GABRG1: variants seen among roughly 807,000 people sequenced by gnomAD.
GABRG1 encodes gamma-aminobutyric acid receptor subunit gamma-1.
A neutral mutation model predicts 49.8 loss-of-function variants in GABRG1; 49 were observed. The observed-to-expected ratio is 0.98, with a 90% confidence interval of 0.78 to 1.25. GABRG1 has a LOEUF of 1.25. Among genes scored for constraint, GABRG1 ranks in the 50% most tolerant of loss-of-function variants. GABRG1 has a pLI of 0.00. For missense variants in GABRG1, 552 were observed against 552.3 expected (o/e 1.00, Z 0.01); for synonymous variants, 232 against 185.1 (o/e 1.25, Z -2.06).
chr4:46,118,401 C>T (rs1720998707), intron 1 of GABRG1, among the ~76,000 whole-genome samples: 1 of 150,490 alleles, frequency 6.6e-6, no homozygotes, highest in African/African-American at 2.4e-5. Flanking sequence ...TTTATTGCTC[C>T]CACTGTACCT....
chr4:46,098,739 A>G (rs1257069281), intron 1 of GABRG1, among the ~76,000 whole-genome samples: 1 of 151,576 alleles, frequency 6.6e-6, no homozygotes, highest in East Asian at 2.0e-4. Context: ...TCATTTTGTG[A>G]AAGAAAGTGG....
At chr4:46,061,667 C>A in intron 5 of GABRG1, among the ~76,000 whole-genome samples, 1 of 150,900 alleles carries the variant, frequency 6.6e-6, no homozygotes. Flanking sequence ...AAAGAATATA[C>A]CAGGTTTTTT....
At chr4:46,087,635 A>G (rs1209372959) in intron 2 of GABRG1, among the ~76,000 whole-genome samples, 3 of 151,882 alleles carry the variant, frequency 2.0e-5, no homozygotes, top group Non-Finnish European at 1.5e-5. Context: ...TAGTTATTAA[A>G]TGGTAGAGCT....
chr4:46,057,888 G>A lies in GABRG1; in HGVS notation c.916+329C>T, dbSNP rs138040857. Among the ~76,000 whole-genome samples, 71 of 152,114 alleles carry A rather than the reference G, an allele frequency of 4.7e-4. No homozygotes were observed. In the East Asian group the frequency reaches 0.013, roughly 27 times the overall value. On this transcript the variant is annotated intron_variant, in intron 7 of 8. Transcript: ENST00000295452. ...ACATAAAATAAAATCTTGATGAAAC[G>A]TGATAGAAAAACTCAACCAAAATAA...
chr4:46,093,085 A>AAT lies in GABRG1; in HGVS notation c.253+4115_253+4116insAT, dbSNP rs200202158. ...ACTCCATCTTAAAAAAAAAAAAAAA[A>AAT]AAGTCAAATCATAACTCAAAGAAAA... On this transcript the variant is annotated intron_variant, in intron 2 of 8. Coordinates refer to ENST00000295452, the MANE Select transcript of GABRG1 (RefSeq NM_173536.4). 4.0e-3 allele frequency among the ~76,000 whole-genome samples: 607 copies of AAT among 151,536 alleles called. 7 individuals carry two copies. Among genetic ancestry groups the AAT allele is most frequent in the African/African-American group, 0.014 (575 of 41,368 alleles).
intron 8 of GABRG1, among the ~76,000 whole-genome samples, chr4:46,050,089 A>T (rs894270555): frequency 1.3e-5 from 2 of 151,984 alleles, no homozygotes; most frequent in Admixed American, 1.3e-4. Context: ...GATGAAAGGA[A>T]AATTGTAGAA....
intron 2 of GABRG1, among the ~76,000 whole-genome samples, chr4:46,094,883 C>T (rs1009296789): frequency 7.9e-5 from 12 of 151,598 alleles, no homozygotes; most frequent in Admixed American, 1.3e-4. Context: ...AATTAAGATA[C>T]GAAGATCCAA....
At chr4:46,052,324 T>A (rs1718259447) in intron 7 of GABRG1, among the ~76,000 whole-genome samples, 1 of 151,850 alleles carries the variant, frequency 6.6e-6, no homozygotes, top group South Asian at 2.1e-4. Flanking sequence ...TTTTCCACCA[T>A]ACATATACAG....
rs1718349377 is a variant in GABRG1, at chr4:46,054,061, C to T, written c.917-2423G>A. Among the ~76,000 whole-genome samples the T allele has an allele frequency of 2.1e-5, 2 of 95,970 alleles. 1 individual carries two copies. 63.0% of individuals were successfully genotyped at this position (95,970 alleles called of 152,430 possible). A position where few individuals can be genotyped will look rare whatever the true frequency, so the allele number is the denominator to read the frequency against. On this transcript the variant is annotated intron_variant, in intron 7 of 8. Coordinates refer to ENST00000295452, the MANE Select transcript of GABRG1 (RefSeq NM_173536.4). ...GAAGGGATCCAGTTTCAGCTTTCTACATATGGCTAGCCAGTTTTCCCAGCA... is the reference window on the plus strand; with the variant it reads ...GAAGGGATCCAGTTTCAGCTTTCTATATATGGCTAGCCAGTTTTCCCAGCA...
chr4:46,112,959 G>A (rs747995978), intron 1 of GABRG1, among the ~76,000 whole-genome samples: 1 of 150,792 alleles, frequency 6.6e-6, no homozygotes, highest in African/African-American at 2.4e-5. Flanking sequence ...TAGCTACACG[G>A]CTACAAGTAA....
chr4:46,046,135 T>C (rs1717989859), intron 8 of GABRG1, among the ~76,000 whole-genome samples: 1 of 152,150 alleles, frequency 6.6e-6, no homozygotes, highest in Non-Finnish European at 1.5e-5. Flanking sequence ...TATTTATGAA[T>C]TGTTCTATTT....
chr4:46,072,178 T>C (rs891406063), intron 3 of GABRG1, among the ~76,000 whole-genome samples: 43 of 152,150 alleles, frequency 2.8e-4, no homozygotes, highest in Non-Finnish European at 4.4e-5. Context: ...TAATATTCTT[T>C]ACAGGTTTGT....
intron 5 of GABRG1, among the ~76,000 whole-genome samples, chr4:46,060,745 C>T (rs1392635662): frequency 6.6e-6 from 1 of 152,094 alleles, no homozygotes; most frequent in Non-Finnish European, 1.5e-5. Context: ...TCTTCTTTCA[C>T]TTGCTCTCTA....
Position 46,051,545 on chromosome 4 carries a change from A to G in GABRG1, c.1010T>C (p.Val337Ala). Residue 337 changes from valine to alanine, a missense_variant, in exon 8 of 9, where the codon GTT becomes GCT. By Grantham distance (64) the Val-to-Ala change is moderately conservative. Coordinates refer to ENST00000295452, the MANE Select transcript of GABRG1 (RefSeq NM_173536.4). The part of the protein sequence containing the change: ...VSYVTAMDLF[V>A]SVCFIFVFAA... ...AAAAACAAAAATGAAACAAACAGAA[A>G]CAAAGAGATCCATCGCAGTCACATA... 6.2e-7 allele frequency: 1 copy of G among 1,611,850 alleles called. No homozygotes were observed. The highest frequency in any genetic ancestry group is 8.5e-7 in the Non-Finnish European group (1 of 1,178,596).
At chr4:46,104,159 T>G (rs1269349864) in intron 1 of GABRG1, among the ~76,000 whole-genome samples, 1 of 151,492 alleles carries the variant, frequency 6.6e-6, no homozygotes, top group Non-Finnish European at 1.5e-5. Context: ...GAAATGATTA[T>G]GATGATTCAA....
chr4:46,118,355 C>A (rs1308174585), intron 1 of GABRG1, among the ~76,000 whole-genome samples: 3 of 150,262 alleles, frequency 2.0e-5, no homozygotes, highest in Admixed American at 1.3e-4. Flanking sequence ...TGAGAACATA[C>A]AATATTTTCC....
At chr4:46,063,868 A>C (rs1194568277) in intron 5 of GABRG1, among the ~76,000 whole-genome samples, 1 of 152,200 alleles carries the variant, frequency 6.6e-6, no homozygotes, top group Non-Finnish European at 1.5e-5. Flanking sequence ...AAGTGGGCAA[A>C]GGATAAGAAT....
chr4:46,109,909 G>A (rs749348051), intron 1 of GABRG1, among the ~76,000 whole-genome samples: 4 of 150,972 alleles, frequency 2.6e-5, no homozygotes, highest in Non-Finnish European at 4.5e-5. Context: ...TTTTGAATTT[G>A]TTGAGATGTG....
chr4:46,053,175 C>G (rs1280540907), intron 7 of GABRG1, among the ~76,000 whole-genome samples: 1 of 151,332 alleles, frequency 6.6e-6, no homozygotes, highest in Non-Finnish European at 1.5e-5. Context: ...AGGCCATTGT[C>G]AGTTATATTA....
Sources: allele counts gnomAD v4.1 joint callset (sites outside exome capture counted in the v4.1 genomes callset), GRCh38; gene constraint gnomAD v4.1.1; transcripts MANE v1.5; gene names NCBI Gene and HGNC (gene_info 2026-07-23, HGNC 2026-07-21).